DGKB: variants seen among roughly 807,000 people sequenced by gnomAD.
DGKB encodes the protein diacylglycerol kinase beta.
Under a neutral mutation model 114.3 loss-of-function variants are expected in DGKB, and 67 were observed. The ratio of observed to expected loss-of-function variants is 0.59; its 90% confidence interval spans 0.48 to 0.72. The LOEUF is 0.72. Ranked by LOEUF, DGKB falls within the 30% of genes least tolerant of loss-of-function variation. The pLI, the probability that DGKB is intolerant of heterozygous loss-of-function variation, is 0.00. For missense variants in DGKB, 907 were observed against 975.2 expected (o/e 0.93, Z 0.93); for synonymous variants, 398 against 323.1 (o/e 1.23, Z -2.49).
intron 21 of DGKB, among the ~76,000 whole-genome samples, chr7:14,352,111 C>G (rs1361790346): frequency 6.6e-6 from 1 of 152,000 alleles, no homozygotes; most frequent in African/African-American, 2.4e-5. Flanking sequence ...CTTGTTAAGT[C>G]CCAGGGAGAC....
intron 25 of DGKB, among the ~76,000 whole-genome samples, chr7:14,170,142 AAAAAAAGAAAG>A (rs1372548254): frequency 3.2e-5 from 4 of 123,490 alleles, no homozygotes; most frequent in Non-Finnish European, 6.6e-5. Context: ...CTCAAAAAAA[AAAAAAAGAAAG>A]AAAGAAAGAA....
chr7:14,940,543 C>G (rs111895372), intron 1 of DGKB, among the ~76,000 whole-genome samples: 8,443 of 152,082 alleles, frequency 0.056, 319 homozygotes, highest in Non-Finnish European at 0.085. Context: ...ATAACCATAT[C>G]CAGCTTGAGG....
At chr7:14,854,961 G>T (rs1206978314) in intron 1 of DGKB, among the ~76,000 whole-genome samples, 1 of 152,138 alleles carries the variant, frequency 6.6e-6, no homozygotes, top group Non-Finnish European at 1.5e-5. Flanking sequence ...ATTGCATGAT[G>T]AGATGTAATG....
intron 1 of DGKB, among the ~76,000 whole-genome samples, chr7:14,853,633 G>T (rs946753098): frequency 2.0e-5 from 3 of 151,788 alleles, no homozygotes; most frequent in Non-Finnish European, 4.4e-5. Flanking sequence ...GAGGTGGGCG[G>T]ATGACGTGGT....
intron 21 of DGKB, among the ~76,000 whole-genome samples, chr7:14,426,397 C>T (rs888251100): frequency 6.6e-6 from 1 of 152,146 alleles, no homozygotes; most frequent in African/African-American, 2.4e-5. Context: ...TTCATGTGTG[C>T]TTAGCCTACC....
intron 25 of DGKB, among the ~76,000 whole-genome samples, chr7:14,159,051 C>T (rs778183487): frequency 1.1e-4 from 16 of 152,056 alleles, no homozygotes; most frequent in African/African-American, 2.9e-4. Context: ...ATCTTGTCAC[C>T]GTGCACATCT....
At chr7:14,541,383 G>A (rs1055276711) in intron 20 of DGKB, among the ~76,000 whole-genome samples, 1 of 152,260 alleles carries the variant, frequency 6.6e-6, no homozygotes, top group African/African-American at 2.4e-5. Flanking sequence ...AGAAAAAGTG[G>A]TTTTGTAGTT....
In DGKB at chr7:14,191,736, A is replaced by T. The variant is rs1056072927; in HGVS notation, c.2123-13585T>A. On this transcript the variant is annotated intron_variant, in intron 23 of 25. Coordinates refer to ENST00000402815, the MANE Select transcript of DGKB (RefSeq NM_001350709.2). ...CACGTCAAAGATGTTCACTGTGCCA[A>T]CATTGCTGATGACAGCAAAAATGAC... 3 of 344,644 alleles carry T rather than the reference A, an allele frequency of 8.7e-6. No homozygotes were observed. In the Admixed American group the frequency reaches 1.1e-4, roughly 12 times the overall value. The allele number at this position is 344,644 out of a possible 1,614,324, so 21.3% of individuals were successfully genotyped here. A position where few individuals can be genotyped will look rare whatever the true frequency, so the allele number is the denominator to read the frequency against.
At chr7:14,450,386 A>G (rs533087298) in intron 21 of DGKB, among the ~76,000 whole-genome samples, 1 of 152,268 alleles carries the variant, frequency 6.6e-6, no homozygotes, top group South Asian at 2.1e-4. Context: ...AGATCAACAG[A>G]CAAGTCCCAG....
intron 1 of DGKB, among the ~76,000 whole-genome samples, chr7:14,884,017 C>T (rs1854639848): frequency 6.6e-6 from 1 of 151,960 alleles, no homozygotes; most frequent in Admixed American, 6.6e-5. Flanking sequence ...GAATAAACAT[C>T]TCTGAATCTT....
Position 14,345,370 on chromosome 7 carries a change from A to G in DGKB, c.1857T>C (p.Tyr619=). The stretch of plus-strand genomic sequence containing the variant: ...AAGTTTCAGATGTGCCAAACTCAAA[A>G]TACCAAAATTTGTTCTTCATTCTGA... ...FNSRMKNKFW[Y]FEFGTSETFS... The change falls in exon 22 of 26, where the codon TAT becomes TAC. Residue 619 remains tyrosine (Y), a synonymous_variant. Coordinates refer to ENST00000402815, the MANE Select transcript of DGKB (RefSeq NM_001350709.2). The G allele has an allele frequency of 1.3e-6, 2 of 1,542,366 alleles. No homozygotes were observed. Among genetic ancestry groups the G allele is most frequent in the Non-Finnish European group, 1.8e-6 (2 of 1,141,658 alleles).
intron 20 of DGKB, among the ~76,000 whole-genome samples, chr7:14,508,133 G>A (rs1031967116): frequency 2.0e-5 from 3 of 152,030 alleles, no homozygotes; most frequent in Non-Finnish European, 2.9e-5. Flanking sequence ...AAGGAGAAAC[G>A]TGCATCTTGT....
At chr7:14,790,387 C>T (rs1361714676) in intron 2 of DGKB, among the ~76,000 whole-genome samples, 1 of 152,014 alleles carries the variant, frequency 6.6e-6, no homozygotes, top group African/African-American at 2.4e-5. Context: ...CAAAGATTTT[C>T]TTTTATGTTA....
rs1265919297 is a variant in DGKB at position 14,147,175 on chromosome 7, G to GT, written c.*1955dup. 6.6e-6 allele frequency: 1 copy of GT among 152,092 alleles called. No homozygotes were observed. The highest frequency in any genetic ancestry group is 1.5e-5 in the Non-Finnish European group (1 of 67,998). 9.4% of individuals were successfully genotyped at this position (152,092 alleles called of 1,614,324 possible). A position where few individuals can be genotyped will look rare whatever the true frequency, so the allele number is the denominator to read the frequency against. On this transcript the variant is annotated 3_prime_UTR_variant, in exon 26 of 26. Coordinates refer to ENST00000402815, the MANE Select transcript of DGKB (RefSeq NM_001350709.2). ...TTATGTCAGTAATGTACTTGTTACT[G>GT]TTTTGAGATTTCTTTCTTTCTTTTG...
At chr7:14,455,951 T>C (rs1832224182) in intron 21 of DGKB, among the ~76,000 whole-genome samples, 1 of 152,020 alleles carries the variant, frequency 6.6e-6, no homozygotes, top group African/African-American at 2.4e-5. Context: ...AATTTGTGCC[T>C]TCACTATTTA....
chr7:14,364,065 C>G (rs1816222040), intron 21 of DGKB, among the ~76,000 whole-genome samples: 1 of 151,914 alleles, frequency 6.6e-6, no homozygotes, highest in African/African-American at 2.4e-5. Flanking sequence ...ACTTTATTGA[C>G]TCAGTACAAT....
intron 20 of DGKB, among the ~76,000 whole-genome samples, chr7:14,528,460 T>C (rs1791003644): frequency 6.6e-6 from 1 of 152,090 alleles, no homozygotes; most frequent in South Asian, 2.1e-4. Context: ...CAAAGACTAA[T>C]TATCTGATTA....
At chr7:14,350,780 C>A (rs1813302899) in intron 21 of DGKB, among the ~76,000 whole-genome samples, 1 of 151,600 alleles carries the variant, frequency 6.6e-6, no homozygotes, top group Admixed American at 6.6e-5. Context: ...ACATGCTCAA[C>A]AGAGGAGAAA....
intron 1 of DGKB, among the ~76,000 whole-genome samples, chr7:14,886,309 A>C (rs566990237): frequency 6.6e-6 from 1 of 152,050 alleles, no homozygotes; most frequent in African/African-American, 2.4e-5. Context: ...GGAAGGATGC[A>C]GATAAGCTCA....
Sources: allele counts gnomAD v4.1 joint callset (sites outside exome capture counted in the v4.1 genomes callset), GRCh38; gene constraint gnomAD v4.1.1; transcripts MANE v1.5; gene names NCBI Gene and HGNC (gene_info 2026-07-23, HGNC 2026-07-21).